Variants in SYNJ2 observed in about 807,000 individuals in gnomAD.
SYNJ2 encodes polyphosphatidylinositol phosphatase SYNJ2.
In SYNJ2, 116 loss-of-function variants were observed where a neutral mutation model predicts 141.3. The observed-to-expected ratio is 0.82, with a 90% CI of 0.71 to 0.96. The LOEUF is 0.96. Ranked by LOEUF, SYNJ2 falls within the 40% of genes least tolerant of loss-of-function variation. The pLI, the probability that SYNJ2 is intolerant of heterozygous loss-of-function variation, is 0.00. For missense variants in SYNJ2, 1,873 were observed against 1,934.8 expected (o/e 0.97, Z 0.60); for synonymous variants, 745 against 777.7 (o/e 0.96, Z 0.70).
At chr6:158,075,587 G>T (rs537786595) in intron 16 of SYNJ2, among the ~76,000 whole-genome samples, 20 of 151,696 alleles carry the variant, frequency 1.3e-4, no homozygotes, top group Non-Finnish European at 2.6e-4. Flanking sequence ...GTTGCAGTGA[G>T]CCGAGATCGC....
Position 158,086,979 on chromosome 6 carries a change from C to T in SYNJ2, c.3333C>T (p.Pro1111=), listed in dbSNP as rs199772207. ...GGCCACCTCAACCCCCGCAGAGACC[C>T]CCCCCTCCAAGTAAGACTCTGCTTG... ...RPRPPQPPQR[P]PPPTGLMVKK... The change falls in exon 23 of 27, where the codon CCC becomes CCT. Residue 1111 remains proline, a synonymous_variant. Transcript: ENST00000355585. 5.0e-6 allele frequency: 6 copies of T among 1,191,936 alleles called. No individual in the cohort carries two copies. Among genetic ancestry groups the T allele is most frequent in the Admixed American group, 1.9e-5 (1 of 53,242 alleles). The allele number at this position is 1,191,936 out of a possible 1,614,324, so 73.8% of individuals were successfully genotyped here. A position where few individuals can be genotyped will look rare whatever the true frequency, so the allele number is the denominator to read the frequency against.
At chr6:158,006,782 C>T (rs1778088554) in intron 1 of SYNJ2, among the ~76,000 whole-genome samples, 1 of 152,204 alleles carries the variant, frequency 6.6e-6, no homozygotes, top group Admixed American at 6.5e-5. Flanking sequence ...AAGTGATTCT[C>T]CTGCCTCAGC....
At chr6:158,086,767 C>T in intron 22 of SYNJ2, 88 bp from the exon 23 acceptor site, 1 of 1,461,172 alleles carries the variant, frequency 6.8e-7, no homozygotes, top group Non-Finnish European at 9.2e-7. Flanking sequence ...GTCCCCCTGC[C>T]ACAGTCGGCC....
chr6:157,984,187 T>C (rs1046699690), intron 1 of SYNJ2, among the ~76,000 whole-genome samples: 2 of 152,214 alleles, frequency 1.3e-5, no homozygotes, highest in African/African-American at 2.4e-5. Context: ...AAAATGAAAC[T>C]ATTTTTAAAA....
At chr6:158,051,141 C>A (rs895705710) in intron 5 of SYNJ2, among the ~76,000 whole-genome samples, 2 of 152,136 alleles carry the variant, frequency 1.3e-5, no homozygotes, top group African/African-American at 4.8e-5. Flanking sequence ...AGTAATAGAA[C>A]TTGTCACGAC....
At chr6:158,078,476 T>C (rs1441826191) in intron 18 of SYNJ2, 195 bp downstream of exon 18, 1 of 392,676 alleles carries the variant, frequency 2.5e-6, no homozygotes, top group Non-Finnish European at 4.6e-6. Flanking sequence ...CTAATTAATC[T>C]TAGCATTTTG....
intron 17 of SYNJ2, chr6:158,077,672 A>C (rs909264722): frequency 1.1e-4 from 12 of 104,710 alleles, no homozygotes; most frequent in Admixed American, 6.1e-4. Context: ...AAAAAAAAAA[A>C]AAAAAAACCT....
intron 6 of SYNJ2, among the ~76,000 whole-genome samples, chr6:158,058,763 TG>T (rs1261355303): frequency 2.0e-5 from 3 of 152,104 alleles, no homozygotes; most frequent in Admixed American, 2.0e-4. Flanking sequence ...CCTGTCTCTA[TG>T]AAAAATAAAT....
chr6:158,013,376 CA>C (rs895567574), intron 1 of SYNJ2, among the ~76,000 whole-genome samples: 12 of 149,346 alleles, frequency 8.0e-5, no homozygotes, highest in Non-Finnish European at 8.9e-5. Context: ...GCGAGACTGT[CA>C]AAAAAAAAAT....
intron 18 of SYNJ2, among the ~76,000 whole-genome samples, 186 bp from the exon 19 acceptor site, chr6:158,080,923 C>T (rs1782636487): frequency 6.6e-6 from 1 of 152,226 alleles, no homozygotes; most frequent in Non-Finnish European, 1.5e-5. Flanking sequence ...CCTGCAAATC[C>T]ACCTGCTGGT....
rs58147972 is a variant in SYNJ2 at position 158,047,774 on chromosome 6, CAAAAAAAAAAAAAAAA to C, written c.795+4391_795+4406del. Among the ~76,000 whole-genome samples, 14 of 32,384 alleles carry C rather than the reference CAAAAAAAAAAAAAAAA, an allele frequency of 4.3e-4. No individual in the cohort carries two copies. In the East Asian group the frequency reaches 5.6e-3, roughly 13 times the overall value. 21.2% of individuals were successfully genotyped at this position (32,384 alleles called of 152,430 possible). Reference sequence around the variant, plus strand: ...CCTGGTCAACAGAGTGCGACTCTGTCAAAAAAAAAAAAAAAAAAAAAAAAAAAAAAACACACAGTAT... The same window carrying C: ...CCTGGTCAACAGAGTGCGACTCTGTCAAAAAAAAAAAAAAACACACAGTAT... On this transcript the variant is annotated intron_variant, in intron 5 of 26. Coordinates refer to ENST00000355585, the MANE Select transcript of SYNJ2 (RefSeq NM_003898.4).
At chr6:158,017,405 C>CTTTTTTTT in intron 2 of SYNJ2, 115 bp downstream of exon 2, 10 of 599,276 alleles carry the variant, frequency 1.7e-5, no homozygotes, top group South Asian at 6.8e-5. Flanking sequence ...TCTCTCTCTT[C>CTTTTTTTT]TTTTTTTTTT....
At chr6:158,003,896 G>A (rs1777952904) in intron 1 of SYNJ2, among the ~76,000 whole-genome samples, 1 of 152,180 alleles carries the variant, frequency 6.6e-6, no homozygotes, top group African/African-American at 2.4e-5. Context: ...TCAAGTGGTG[G>A]CTGTTTCTCT....
chr6:158,075,957 A>AATCCCAGCACTTTGGGAGGCTG (rs372419197), intron 16 of SYNJ2, among the ~76,000 whole-genome samples: 29,047 of 151,964 alleles, frequency 0.19, 3,176 homozygotes, highest in East Asian at 0.27. Flanking sequence ...TCACGACTGT[A>AATCCCAGCACTTTGGGAGGCTG]AGGCGGGAGG....
At chr6:158,036,624 G>A (rs1265446295) in intron 4 of SYNJ2, among the ~76,000 whole-genome samples, 1 of 152,136 alleles carries the variant, frequency 6.6e-6, no homozygotes, top group African/African-American at 2.4e-5. Flanking sequence ...AGAGGGTGGA[G>A]GATGGAGGGT....
At chr6:158,062,906 G>A (rs868190860) in intron 8 of SYNJ2, among the ~76,000 whole-genome samples, 11 of 152,108 alleles carry the variant, frequency 7.2e-5, no homozygotes, top group Admixed American at 2.0e-4. Flanking sequence ...GCAGTGTGCC[G>A]AAGAGCTGTC....
rs1779909700 is a variant in SYNJ2, at chr6:158,040,887, G to C, written c.712-2429G>C. 6.6e-6 allele frequency among the ~76,000 whole-genome samples: 1 copy of C among 152,140 alleles called. No individual in the cohort carries two copies. Among genetic ancestry groups the C allele is most frequent in the African/African-American group, 2.4e-5 (1 of 41,420 alleles). On this transcript the variant is annotated intron_variant, in intron 4 of 26. Coordinates refer to ENST00000355585, the MANE Select transcript of SYNJ2 (RefSeq NM_003898.4). This position sits in a 1 kb window ranked among gnomAD's most constrained non-coding sequence, Gnocchi z 4.2. ...ACGGGCCTCCGACTTTTCTTCCCGTGGCCCCACTGCTCTTCCCGGTCTCCC... is the reference window on the plus strand; with the variant it reads ...ACGGGCCTCCGACTTTTCTTCCCGTCGCCCCACTGCTCTTCCCGGTCTCCC...
chr6:158,011,286 C>A (rs1343857873), intron 1 of SYNJ2, among the ~76,000 whole-genome samples: 1 of 152,172 alleles, frequency 6.6e-6, no homozygotes, highest in African/African-American at 2.4e-5. Context: ...CTCCAGGTAT[C>A]AGAGGAGCCC....
At chr6:158,006,994 C>T (rs1778097032) in intron 1 of SYNJ2, among the ~76,000 whole-genome samples, 1 of 151,482 alleles carries the variant, frequency 6.6e-6, no homozygotes, top group South Asian at 2.1e-4. Flanking sequence ...GAGACAGTGT[C>T]TCACTCTGTC....
Sources: allele counts gnomAD v4.1 joint callset (sites outside exome capture counted in the v4.1 genomes callset), GRCh38; gene constraint gnomAD v4.1.1; non-coding constraint Gnocchi (gnomAD v3.1); transcripts MANE v1.5; gene names NCBI Gene and HGNC (gene_info 2026-07-23, HGNC 2026-07-21).